CLRN2: variants seen among roughly 807,000 people sequenced by gnomAD.
The protein encoded by CLRN2 is clarin 2, also known as clarin-2.
CLRN2 carries 17 observed loss-of-function variants against 20.1 expected under a neutral mutation model. That is an observed-to-expected ratio of 0.85 (90% CI 0.58 to 1.27). CLRN2 has a LOEUF of 1.27. Ranked by LOEUF, CLRN2 falls within the 50% of genes most tolerant of loss-of-function variation. The pLI is 0.00. For synonymous variants in CLRN2, 140 were observed against 126.9 expected, an observed-to-expected ratio of 1.10 and a Z score of -0.70; for missense variants, 288 against 299.5, an observed-to-expected ratio of 0.96 and a Z score of 0.28.
At chr4:17,524,671 TAGAG>T (rs1711926147) in intron 2 of CLRN2, among the ~76,000 whole-genome samples, 7 of 151,862 alleles carry the variant, frequency 4.6e-5, no homozygotes, top group Admixed American at 3.3e-4. Context: ...TTCCTTTCCT[TAGAG>T]AGATAGCACT....
At chr4:17,524,048 C>G (rs1174664488) in intron 2 of CLRN2, among the ~76,000 whole-genome samples, 1 of 151,874 alleles carries the variant, frequency 6.6e-6, no homozygotes, top group East Asian at 1.9e-4. Flanking sequence ...AGATGAAGAG[C>G]CTGAGGCTCA....
intron 2 of CLRN2, among the ~76,000 whole-genome samples, chr4:17,524,058 A>C (rs1370690268): frequency 6.6e-6 from 1 of 152,076 alleles, no homozygotes; most frequent in Non-Finnish European, 1.5e-5. Flanking sequence ...CCTGAGGCTC[A>C]GAGAAGTTAA....
intron 2 of CLRN2, among the ~76,000 whole-genome samples, chr4:17,523,319 A>G (rs1030541093): frequency 6.7e-6 from 1 of 149,808 alleles, no homozygotes; most frequent in African/African-American, 2.5e-5. Context: ...GGCTCAAGTG[A>G]TCTTCCCACC....
At position 17,526,315 on chromosome 4, in the gene CLRN2, T is replaced by C. The variant is rs141778044; in HGVS notation, c.434-502T>C. On this transcript the variant is annotated intron_variant, in intron 2 of 2. Transcript: ENST00000511148. ...TGGCTCACACCTGTACTTCCAGCAC[T>C]TTGGGAGGCCAAGGTGAATGGATCA... 4.6e-3 allele frequency among the ~76,000 whole-genome samples: 701 copies of C among 152,294 alleles called. 3 individuals carry two copies. The highest frequency in any genetic ancestry group is 0.016 in the African/African-American group (653 of 41,552).
intron 2 of CLRN2, among the ~76,000 whole-genome samples, 164 bp from the exon 3 acceptor site, chr4:17,526,653 A>G (rs1305971296): frequency 6.6e-6 from 1 of 152,266 alleles, no homozygotes; most frequent in Non-Finnish European, 1.5e-5. Flanking sequence ...TTTCTCCTTC[A>G]TACTGTGTGG....
intron 1 of CLRN2, 47 bp from the exon 2 acceptor site, chr4:17,522,817 G>A: frequency 6.3e-7 from 1 of 1,582,060 alleles, no homozygotes; most frequent in Non-Finnish European, 8.6e-7. Flanking sequence ...TCATGAAAGT[G>A]AGTCTAACTC....
intron 2 of CLRN2, among the ~76,000 whole-genome samples, chr4:17,526,253 G>A (rs1409663651): frequency 6.6e-6 from 1 of 152,158 alleles, no homozygotes; most frequent in Non-Finnish European, 1.5e-5. Flanking sequence ...CATGGTACTG[G>A]GTAAGGGGAA....
chr4:17,525,624 TG>T (rs1560323895), intron 2 of CLRN2, among the ~76,000 whole-genome samples: 1 of 152,138 alleles, frequency 6.6e-6, no homozygotes, highest in Non-Finnish European at 1.5e-5. Flanking sequence ...CACTCCAGCC[TG>T]GGTGACAGAG....
intron 2 of CLRN2, 70 bp downstream of exon 2, chr4:17,523,113 A>G: frequency 1.4e-6 from 2 of 1,385,902 alleles, no homozygotes; most frequent in Non-Finnish European, 2.0e-6. Context: ...GTAGTTGGGC[A>G]GAAGGTGTGA....
chr4:17,517,133 C>G (rs1284472580), intron 1 of CLRN2, among the ~76,000 whole-genome samples: 2 of 152,154 alleles, frequency 1.3e-5, no homozygotes, highest in African/African-American at 4.8e-5. Flanking sequence ...GCCCACAGAG[C>G]AGACATTGGT....
rs1300141154 is a variant in CLRN2, at chr4:17,515,353, A to G, written c.87A>G (p.Val29=). The part of the protein sequence containing the change: ...SSFILIIVAL[V]VPHWLSGKIL... ...TCATCCTGATCATCGTTGCCCTGGT[A>G]GTGCCCCACTGGCTGAGTGGGAAAA... Residue 29 remains valine (V), a synonymous_variant, in exon 1 of 3, where the codon GTA becomes GTG. Coordinates refer to ENST00000511148, the MANE Select transcript of CLRN2 (RefSeq NM_001079827.2). The G allele has an allele frequency of 1.9e-6, 3 of 1,614,002 alleles. No individual in the cohort carries two copies. The highest frequency in any genetic ancestry group is 2.2e-5 in the South Asian group (2 of 91,082).
chr4:17,523,148 C>T, intron 2 of CLRN2, 105 bp downstream of exon 2: 1 of 833,374 alleles, frequency 1.2e-6, no homozygotes, highest in Non-Finnish European at 1.8e-6. Context: ...CCCACTGGAG[C>T]CTTGACCTTC....
At chr4:17,518,448 C>A (rs1037993709) in intron 1 of CLRN2, among the ~76,000 whole-genome samples, 6 of 152,142 alleles carry the variant, frequency 3.9e-5, no homozygotes, top group Non-Finnish European at 8.8e-5. Context: ...ACAAACCAGA[C>A]AAGTACTTGC....
chr4:17,520,783 A>G (rs1711820588), intron 1 of CLRN2, among the ~76,000 whole-genome samples: 1 of 152,206 alleles, frequency 6.6e-6, no homozygotes. Flanking sequence ...CTGTAATCCC[A>G]GCACGGGCAG....
rs1711986705 is a variant in CLRN2, at chr4:17,526,763, C to T, written c.434-54C>T. ...CACACGTGGCACAGAAATGCCACCT[C>T]TTACAGAGTTGCAAAAAGGAGCCGT... is the stretch of plus-strand genomic sequence containing the variant. On this transcript the variant is annotated intron_variant, in intron 2 of 2. Coordinates refer to ENST00000511148, the MANE Select transcript of CLRN2 (RefSeq NM_001079827.2). 12 of 1,605,100 alleles carry T rather than the reference C, an allele frequency of 7.5e-6. No homozygotes were observed. The Admixed American group carries it at 2.0e-4, about 27-fold the overall frequency.
intron 1 of CLRN2, among the ~76,000 whole-genome samples, chr4:17,517,310 T>C (rs536009502): frequency 2.6e-4 from 40 of 152,318 alleles, no homozygotes; most frequent in Non-Finnish European, 4.7e-4. Flanking sequence ...CCTGTGCTTA[T>C]GAGACAGACA....
intron 1 of CLRN2, among the ~76,000 whole-genome samples, chr4:17,520,676 A>G (rs1252192574): frequency 6.6e-6 from 1 of 152,220 alleles, no homozygotes; most frequent in Non-Finnish European, 1.5e-5. Context: ...AAGCATTACT[A>G]TGTTAGTCGT....
chr4:17,523,103 G>A (rs1711873888), intron 2 of CLRN2, 60 bp downstream of exon 2: 7 of 1,446,188 alleles, frequency 4.8e-6, no homozygotes, highest in Middle Eastern at 5.1e-4. Flanking sequence ...TGGGCTCCAA[G>A]TAGTTGGGCA....
At chr4:17,526,476 C>G (rs1711978289) in intron 2 of CLRN2, among the ~76,000 whole-genome samples, 1 of 152,158 alleles carries the variant, frequency 6.6e-6, no homozygotes, top group South Asian at 2.1e-4. Flanking sequence ...AGGAGAATGG[C>G]TTGAACCCGA....
Sources: gnomAD v4.1 joint callset for allele counts (sites outside exome capture counted in the v4.1 genomes callset) on GRCh38, gnomAD v4.1.1 for gene constraint, MANE v1.5 for transcripts, NCBI Gene and HGNC (gene_info 2026-07-23, HGNC 2026-07-21) for gene names.